ATP8B1: variants seen among roughly 807,000 people sequenced by gnomAD.
The protein encoded by ATP8B1 is ATPase phospholipid transporting 8B1.
ATP8B1 carries 80 observed loss-of-function variants against 149.9 expected under a neutral mutation model. The observed-to-expected ratio is 0.53, with a 90% CI of 0.45 to 0.64. The LOEUF (loss-of-function observed/expected upper bound fraction) is 0.64, where lower values mean the gene tolerates loss of function less well. Among genes scored for constraint, ATP8B1 ranks in the 30% least tolerant of loss-of-function variants. ATP8B1 has a pLI of 0.00. For synonymous variants in ATP8B1, 536 were observed against 562.8 expected (o/e 0.95, Z 0.67); for missense variants, 1,247 against 1,552.6 (o/e 0.80, Z 3.31).
intron 1 of ATP8B1, among the ~76,000 whole-genome samples, chr18:57,787,651 A>C (rs1379582636): frequency 6.6e-6 from 1 of 152,188 alleles, no homozygotes; most frequent in Non-Finnish European, 1.5e-5. Flanking sequence ...TGGCTTTTAG[A>C]GCCCATTGGT....
chr18:57,674,886 A>G lies in ATP8B1; in HGVS notation c.1767T>C (p.Asn589=), dbSNP rs1180746821. The G allele has an allele frequency of 6.2e-7, 1 of 1,614,094 alleles. No individual in the cohort carries two copies. Among genetic ancestry groups the G allele is most frequent in the African/African-American group, 1.3e-5 (1 of 74,942 alleles). Residue 589 remains asparagine, a synonymous_variant, in exon 16 of 28, where the codon AAT becomes AAC. Coordinates refer to ENST00000648908, the MANE Select transcript of ATP8B1 (RefSeq NM_001374385.1). The part of the protein sequence containing the change: ...ISELGTERTY[N]VLAILDFNSD... ...TGTTGAAGTCCAAAATGGCAAGAAC[A>G]TTGTAAGTCCTTTCAGTGCCCAGTT...
At chr18:57,736,453 G>GTT (rs71171079) in intron 1 of ATP8B1, among the ~76,000 whole-genome samples, 52 of 70,120 alleles carry the variant, frequency 7.4e-4, no homozygotes, top group African/African-American at 1.8e-3. Flanking sequence ...AGTTTTACTA[G>GTT]TTTTTTTTTT....
intron 23 of ATP8B1, among the ~76,000 whole-genome samples, chr18:57,654,811 C>T (rs1009267374): frequency 6.6e-6 from 1 of 151,436 alleles, no homozygotes; most frequent in African/African-American, 2.4e-5. Context: ...CTCAGCCTCC[C>T]GAGTAGCTGG....
intron 22 of ATP8B1, among the ~76,000 whole-genome samples, chr18:57,660,897 G>T (rs578224780): frequency 7.9e-5 from 12 of 152,162 alleles, no homozygotes; most frequent in Non-Finnish European, 1.8e-4. Context: ...CTATATAAAA[G>T]AATAAAAATA....
intron 24 of ATP8B1, among the ~76,000 whole-genome samples, chr18:57,653,334 G>A (rs1396904661): frequency 6.8e-6 from 1 of 146,364 alleles, no homozygotes; most frequent in African/African-American, 2.5e-5. Context: ...GCCCAGCCCG[G>A]AGTGCAGTGG....
intron 1 of ATP8B1, among the ~76,000 whole-genome samples, chr18:57,734,737 A>T (rs141872842): frequency 9.9e-5 from 15 of 152,254 alleles, no homozygotes; most frequent in Non-Finnish European, 1.6e-4. Flanking sequence ...CCATTATCTT[A>T]TGGCTTCACA....
chr18:57,683,959 A>C, intron 15 of ATP8B1, 77 bp downstream of exon 15: 1 of 1,546,944 alleles, frequency 6.5e-7, no homozygotes, highest in Non-Finnish European at 8.9e-7. Flanking sequence ...CTTGACATGC[A>C]TTTGAGCCAT....
chr18:57,667,376 C>G (rs552838476), intron 19 of ATP8B1: 3 of 543,884 alleles, frequency 5.5e-6, no homozygotes, highest in African/African-American at 1.9e-5. Context: ...CTACGCAACT[C>G]GCTGCCAAGC....
chr18:57,650,448 G>A lies in ATP8B1; in HGVS notation c.3450C>T (p.Ile1150=), dbSNP rs886054009. 2 of 1,613,962 alleles carry A rather than the reference G, an allele frequency of 1.2e-6. No homozygotes were observed. The highest frequency in any genetic ancestry group is 1.7e-4 in the Middle Eastern group (1 of 6,060). ...GTAGTAAGCACACAGCAACAGCCAG[G>A]ATGATAGTTAACCAAATGTATGGCT... is the stretch of plus-strand genomic sequence containing the variant. ...LRQPYIWLTI[I]LAVAVCLLPV... The change falls in exon 27 of 28, where the codon ATC becomes ATT. Residue 1150 remains isoleucine (I), a synonymous_variant. Transcript: ENST00000648908.
intron 1 of ATP8B1, among the ~76,000 whole-genome samples, chr18:57,758,502 G>T (rs1023804880): frequency 3.3e-5 from 5 of 151,434 alleles, no homozygotes; most frequent in Admixed American, 6.6e-5. Context: ...TACAAAATTA[G>T]CCAGGCACAG....
chr18:57,688,663 A>G lies in ATP8B1; in HGVS notation c.1221-156T>C. ...CTCCAAATTCATATGTTGAAACCCAATCCCCAATTCAACAGTATTGAGGTG... is the reference window on the plus strand; with the variant it reads ...CTCCAAATTCATATGTTGAAACCCAGTCCCCAATTCAACAGTATTGAGGTG... On this transcript the variant is annotated intron_variant, in intron 12 of 27. Coordinates refer to ENST00000648908, the MANE Select transcript of ATP8B1 (RefSeq NM_001374385.1). 7.7e-6 allele frequency: 6 copies of G among 777,854 alleles called. No individual in the cohort carries two copies. The South Asian group carries it at 7.8e-5, about 10-fold the overall frequency. 48.2% of individuals were successfully genotyped at this position (777,854 alleles called of 1,614,324 possible). A position where few individuals can be genotyped will look rare whatever the true frequency, so the allele number is the denominator to read the frequency against.
At chr18:57,668,110 G>A (rs1568186749) in intron 19 of ATP8B1, 2 of 1,336,320 alleles carry the variant, frequency 1.5e-6, no homozygotes, top group Non-Finnish European at 2.0e-6. Context: ...CAAAGCACTG[G>A]AAGGACAGAG....
At chr18:57,778,297 C>G (rs1386694265) in intron 1 of ATP8B1, among the ~76,000 whole-genome samples, 2 of 149,356 alleles carry the variant, frequency 1.3e-5, no homozygotes, top group Non-Finnish European at 3.0e-5. Flanking sequence ...GCGATCTCGG[C>G]TCACTGCAAG....
intron 1 of ATP8B1, among the ~76,000 whole-genome samples, chr18:57,788,994 G>A (rs899100511): frequency 4.6e-5 from 7 of 152,166 alleles, no homozygotes; most frequent in Admixed American, 1.3e-4. Flanking sequence ...AGATCCAGGA[G>A]TTTCTATAAG....
chr18:57,761,124 TAAA>T (rs371349051), intron 1 of ATP8B1, among the ~76,000 whole-genome samples: 21,324 of 123,968 alleles, frequency 0.17, 1,967 homozygotes, highest in African/African-American at 0.22. Context: ...TAAAATAAAA[TAAA>T]ATAAAATAAA....
intron 6 of ATP8B1, among the ~76,000 whole-genome samples, chr18:57,698,358 C>G (rs1179293901): frequency 6.8e-6 from 1 of 147,282 alleles, no homozygotes; most frequent in African/African-American, 2.6e-5. Flanking sequence ...TTTTTTTTTT[C>G]ATTGAGACAG....
chr18:57,727,282 C>A (rs2079718387), intron 2 of ATP8B1, among the ~76,000 whole-genome samples: 1 of 152,030 alleles, frequency 6.6e-6, no homozygotes, highest in South Asian at 2.1e-4. Flanking sequence ...AATAAGTAGC[C>A]AGAGTAGACT....
chr18:57,750,662 A>G (rs1015998681), intron 1 of ATP8B1, among the ~76,000 whole-genome samples: 1 of 152,218 alleles, frequency 6.6e-6, no homozygotes, highest in African/African-American at 2.4e-5. Context: ...CCATCCTCAG[A>G]GTCCAACCTA....
At chr18:57,732,729 ATTTTTGTATTTTT>A (rs2079799641) in intron 1 of ATP8B1, among the ~76,000 whole-genome samples, 1 of 151,688 alleles carries the variant, frequency 6.6e-6, no homozygotes, top group Admixed American at 6.6e-5. Flanking sequence ...CGCCCGGCTA[ATTTTTGTATTTTT>A]AGTAGAGACG....
Sources: gnomAD v4.1 joint callset for allele counts (sites outside exome capture counted in the v4.1 genomes callset) on GRCh38, gnomAD v4.1.1 for gene constraint, MANE v1.5 for transcripts, NCBI Gene and HGNC (gene_info 2026-07-23, HGNC 2026-07-21) for gene names.